Variants in VGLL4 observed in about 807,000 individuals in gnomAD.
VGLL4 encodes the protein transcription cofactor vestigial-like protein 4.
A neutral mutation model predicts 21.0 loss-of-function variants in VGLL4; 7 were observed. That is an observed-to-expected ratio of 0.33 (90% confidence interval 0.19 to 0.63). The LOEUF is 0.63. Among genes scored for constraint, VGLL4 ranks in the 20% least tolerant of loss-of-function variants. The probability of loss-of-function intolerance (pLI) is 0.78; values close to 1 mark genes in which losing one functional copy is unlikely to be tolerated. For synonymous variants in VGLL4, 222 were observed against 173.2 expected, an observed-to-expected ratio of 1.28 and a Z score of -2.21; for missense variants, 394 against 425.7, an observed-to-expected ratio of 0.93 and a Z score of 0.66.
chr3:11,572,999 C>A (rs1352986304), intron 2 of VGLL4, among the ~76,000 whole-genome samples: 1 of 151,862 alleles, frequency 6.6e-6, no homozygotes, highest in Non-Finnish European at 1.5e-5. Context: ...GAATCCCCCT[C>A]TACTAAAAAT....
In VGLL4 at chr3:11,578,460, C is replaced by T. The variant is rs752883603; in HGVS notation, c.273-13441G>A. Among the ~76,000 whole-genome samples the T allele has an allele frequency of 1.7e-4, 26 of 152,026 alleles. 1 individual carries two copies. The highest frequency in any genetic ancestry group is 2.4e-4 in the Non-Finnish European group (16 of 68,018). ...GCCCTAAGGTTGGTAGGAACCAGTT[C>T]GAAATTATTTTGTGGACTTCTCCGT... On this transcript the variant is annotated intron_variant, in intron 2 of 4. Coordinates refer to ENST00000430365, the MANE Select transcript of VGLL4 (RefSeq NM_001128219.3).
At chr3:11,671,328 T>C (rs1316573652) in intron 2 of VGLL4, 4 of 1,449,292 alleles carry the variant, frequency 2.8e-6, no homozygotes, top group Non-Finnish European at 3.8e-6. Flanking sequence ...TCAAAATGCG[T>C]ATTCTCAGTC....
Position 11,558,501 on chromosome 3 carries a change from T to C in VGLL4, c.*55A>G. ...TTTTTTTTTTTTTAAGTACTGACTG[T>C]TCAAAGCTCAGGCAAACCATGCAGA... On this transcript the variant is annotated 3_prime_UTR_variant, in exon 5 of 5. Coordinates refer to ENST00000430365, the MANE Select transcript of VGLL4 (RefSeq NM_001128219.3). The C allele has an allele frequency of 2.7e-6, 4 of 1,503,906 alleles. No individual in the cohort carries two copies. In the Admixed American group the frequency reaches 5.3e-5, roughly 20 times the overall value. 93.2% of individuals were successfully genotyped at this position (1,503,906 alleles called of 1,614,324 possible).
rs749519625 is a variant in VGLL4, at chr3:11,602,027, G to A, written c.83-5C>T. ...CTCCCCTGAGAGCAGCTTCGCCTACGCAGAGAGAGATGATGTAGTCACTAA... is the reference window on the plus strand; with the variant it reads ...CTCCCCTGAGAGCAGCTTCGCCTACACAGAGAGAGATGATGTAGTCACTAA... On this transcript the variant is annotated splice_region_variant and splice_polypyrimidine_tract_variant and intron_variant, in intron 1 of 4. Coordinates refer to ENST00000430365, the MANE Select transcript of VGLL4 (RefSeq NM_001128219.3). 10 of 1,544,500 alleles carry A rather than the reference G, an allele frequency of 6.5e-6. No individual in the cohort carries two copies. Among genetic ancestry groups the A allele is most frequent in the South Asian group, 1.2e-5 (1 of 80,680 alleles).
chr3:11,676,126 G>A (rs1245753633), intron 2 of VGLL4, among the ~76,000 whole-genome samples: 1 of 152,132 alleles, frequency 6.6e-6, no homozygotes, highest in Admixed American at 6.5e-5. Context: ...AGTGGCTCAC[G>A]CCTGTAATCC....
At chr3:11,661,161 T>C (rs1278051578) in intron 2 of VGLL4, among the ~76,000 whole-genome samples, 2 of 152,182 alleles carry the variant, frequency 1.3e-5, no homozygotes, top group Admixed American at 1.3e-4. Flanking sequence ...GAAAGCTCTC[T>C]GAGGCGGCTG....
chr3:11,588,565 G>C (rs566468799), intron 2 of VGLL4, among the ~76,000 whole-genome samples: 1 of 152,202 alleles, frequency 6.6e-6, no homozygotes, highest in Non-Finnish European at 1.5e-5. Context: ...TCTGACACTC[G>C]AGCACCAGTA....
At chr3:11,644,992 G>A (rs919238988), upstream of VGLL4, among the ~76,000 whole-genome samples, 4 of 151,264 alleles carry the variant, frequency 2.6e-5, no homozygotes, top group Non-Finnish European at 5.9e-5. Context: ...TTTTCATTTG[G>A]CATGTATGTC....
Position 11,558,661 on chromosome 3 carries a change from C to T in VGLL4, c.786G>A (p.Lys262=). The change falls in exon 5 of 5, where the codon AAG becomes AAA. Residue 262 remains lysine (K), a synonymous_variant. Transcript: ENST00000430365. The part of the protein sequence containing the change: ...GDTWLQIKAA[K]DGASSSPESA... Reference sequence around the variant, plus strand: ...ACTCAGGGCTGCTGGATGCTCCGTCCTTGGCCGCTTTGATCTGGAGCCACG... The same window carrying T: ...ACTCAGGGCTGCTGGATGCTCCGTCTTTGGCCGCTTTGATCTGGAGCCACG... 1.9e-6 allele frequency: 3 copies of T among 1,613,086 alleles called. No homozygotes were observed. The highest frequency in any genetic ancestry group is 1.7e-6 in the Non-Finnish European group (2 of 1,180,024).
intron 2 of VGLL4, among the ~76,000 whole-genome samples, chr3:11,598,674 A>G (rs556848952): frequency 2.5e-4 from 38 of 152,040 alleles, no homozygotes; most frequent in African/African-American, 8.2e-4. Context: ...AATTTTTTGT[A>G]GAGATGGGGG....
intron 2 of VGLL4, chr3:11,582,504 AG>A: frequency 1.3e-6 from 1 of 749,290 alleles, no homozygotes; most frequent in Non-Finnish European, 2.1e-6. Context: ...GGGGTAGGTC[AG>A]GAACTCCTGG....
chr3:11,702,352 G>T (rs2076692363), intron 2 of VGLL4, among the ~76,000 whole-genome samples: 1 of 150,672 alleles, frequency 6.6e-6, no homozygotes, highest in Non-Finnish European at 1.5e-5. Context: ...GCTCCCGTGT[G>T]TAATCCCAGA....
chr3:11,665,046 C>T (rs1488278556), intron 2 of VGLL4, among the ~76,000 whole-genome samples: 1 of 148,918 alleles, frequency 6.7e-6, no homozygotes, highest in East Asian at 2.0e-4. Flanking sequence ...TTGATTAATT[C>T]CAAAATAAAG....
intron 1 of VGLL4, among the ~76,000 whole-genome samples, chr3:11,608,796 G>A (rs1025052930): frequency 6.6e-6 from 1 of 152,044 alleles, no homozygotes; most frequent in Non-Finnish European, 1.5e-5. Flanking sequence ...CTTTTTCAGT[G>A]GTACATAAAA....
chr3:11,578,748 C>CTTTCTTTT (rs2074132390), intron 2 of VGLL4, among the ~76,000 whole-genome samples: 1 of 104,696 alleles, frequency 9.6e-6, no homozygotes, highest in Non-Finnish European at 1.8e-5. Flanking sequence ...TGTATATTTT[C>CTTTCTTTT]TTTTTTTTTT....
At chr3:11,582,549 C>T (rs758845187) in intron 2 of VGLL4, among the ~76,000 whole-genome samples, 9 of 152,186 alleles carry the variant, frequency 5.9e-5, no homozygotes, top group Non-Finnish European at 1.2e-4. Flanking sequence ...CTTGCCAAAA[C>T]GCTACACGCA....
At chr3:11,642,034 A>AAC (rs1553737095) in intron 1 of VGLL4, among the ~76,000 whole-genome samples, 1 of 151,864 alleles carries the variant, frequency 6.6e-6, no homozygotes, top group African/African-American at 2.4e-5. Context: ...AAAAAAAAAA[A>AAC]AACAAGAAAA....
chr3:11,571,333 G>A (rs7622409), intron 2 of VGLL4, among the ~76,000 whole-genome samples: 48,687 of 151,934 alleles, frequency 0.32, 9,660 homozygotes, highest in Non-Finnish European at 0.46. Flanking sequence ...TGCGAATGCC[G>A]CCACAGCCAG....
At chr3:11,627,006 C>T (rs1388131900) in intron 1 of VGLL4, among the ~76,000 whole-genome samples, 2 of 151,982 alleles carry the variant, frequency 1.3e-5, no homozygotes, top group Non-Finnish European at 1.5e-5. Flanking sequence ...AACATGCAAA[C>T]GAGTGTTATC....
Sources: gnomAD v4.1 joint callset for allele counts (sites outside exome capture counted in the v4.1 genomes callset) on GRCh38, gnomAD v4.1.1 for gene constraint, MANE v1.5 for transcripts, NCBI Gene and HGNC (gene_info 2026-07-23, HGNC 2026-07-21) for gene names.